Variants in LDAH observed in about 807,000 individuals in gnomAD.
LDAH encodes the protein lipid droplet-associated hydrolase.
Under a neutral mutation model 29.6 loss-of-function variants are expected in LDAH, and 26 were observed. That is an observed-to-expected ratio of 0.88 (90% CI 0.64 to 1.22). The LOEUF (loss-of-function observed/expected upper bound fraction) is 1.22, where lower values mean the gene tolerates loss of function less well. Ranked by LOEUF, LDAH falls within the 50% of genes most tolerant of loss-of-function variation. The pLI is 0.00. For synonymous variants in LDAH, 117 were observed against 133.0 expected (o/e 0.88, Z 0.83); for missense variants, 344 against 387.3 (o/e 0.89, Z 0.94).
chr2:20,687,680 G>A (rs1412088726), intron 6 of LDAH, among the ~76,000 whole-genome samples: 2 of 152,174 alleles, frequency 1.3e-5, no homozygotes, highest in African/African-American at 2.4e-5. Context: ...TACTTCAATT[G>A]ACAGCAAGCA....
intron 4 of LDAH, among the ~76,000 whole-genome samples, chr2:20,747,553 T>G (rs1667659878): frequency 6.6e-6 from 1 of 152,172 alleles, no homozygotes; most frequent in Non-Finnish European, 1.5e-5. Context: ...TTATCTCCTC[T>G]TCCCATAAGG....
chr2:20,759,992 C>T (rs1445209660), intron 4 of LDAH, among the ~76,000 whole-genome samples: 2 of 152,200 alleles, frequency 1.3e-5, no homozygotes, highest in Admixed American at 6.5e-5. Flanking sequence ...CTGCTTCAAC[C>T]TAGAGTAGGA....
chr2:20,719,403 T>G (rs972584423), intron 5 of LDAH, among the ~76,000 whole-genome samples: 4 of 150,146 alleles, frequency 2.7e-5, no homozygotes, highest in Non-Finnish European at 5.9e-5. Flanking sequence ...ATGGATAAAT[T>G]CCTGGAAAAA....
chr2:20,709,487 TA>T (rs74408337), intron 5 of LDAH, among the ~76,000 whole-genome samples: 36,754 of 151,904 alleles, frequency 0.24, 4,943 homozygotes, highest in East Asian at 0.36. Flanking sequence ...ATGGCTATAA[TA>T]AAAAAAGACA....
rs549545125 is a variant in LDAH at position 20,707,056 on chromosome 2, T to C, written c.704-5404A>G. ...TTCCACGGTGAACATTTCTTTCATATTGAGCAAACAACCAATCCAAAGGCC... is the reference window on the plus strand; with the variant it reads ...TTCCACGGTGAACATTTCTTTCATACTGAGCAAACAACCAATCCAAAGGCC... On this transcript the variant is annotated intron_variant, in intron 5 of 6. Coordinates refer to ENST00000237822, the MANE Select transcript of LDAH (RefSeq NM_021925.4). 2.6e-5 allele frequency among the ~76,000 whole-genome samples: 4 copies of C among 152,280 alleles called. No individual in the cohort carries two copies. The South Asian group carries it at 6.2e-4, about 24-fold the overall frequency.
At chr2:20,817,748 C>A (rs1672952173) in intron 1 of LDAH, among the ~76,000 whole-genome samples, 1 of 152,046 alleles carries the variant, frequency 6.6e-6, no homozygotes. Flanking sequence ...AATAGTGTAA[C>A]CCAAATGTTC....
intron 6 of LDAH, among the ~76,000 whole-genome samples, chr2:20,697,769 T>C (rs909421059): frequency 2.6e-5 from 4 of 152,216 alleles, no homozygotes; most frequent in South Asian, 2.1e-4. Flanking sequence ...AGGGGTTATG[T>C]AAACTTTGGA....
chr2:20,740,195 GC>G lies in LDAH; in HGVS notation c.478del (p.Ala160ProfsTer39). On this transcript the variant is annotated frameshift_variant, in exon 5 of 7. Coordinates refer to ENST00000237822, the MANE Select transcript of LDAH (RefSeq NM_021925.4). LOFTEE classifies it high-confidence loss of function. ...TTCAATTGTTGGAAAGAGCAGAAAGGCACGAATTACCTGCAATAAAGAAGCA... is the reference window on the plus strand; with the variant it reads ...TTCAATTGTTGGAAAGAGCAGAAAGGACGAATTACCTGCAATAAAGAAGCA... ...KRVPELPVIR[A>X]FLLFPTIERM... The G allele has an allele frequency of 6.2e-7, 1 of 1,612,364 alleles. No individual in the cohort carries two copies. The highest frequency in any genetic ancestry group is 8.5e-7 in the Non-Finnish European group (1 of 1,178,448).
chr2:20,810,855 G>A (rs1672430271), intron 1 of LDAH, among the ~76,000 whole-genome samples: 1 of 152,116 alleles, frequency 6.6e-6, no homozygotes. Context: ...TGTGAACTGT[G>A]CATGCGAAGG....
chr2:20,754,151 A>G (rs1668147842), intron 4 of LDAH, among the ~76,000 whole-genome samples: 1 of 152,038 alleles, frequency 6.6e-6, no homozygotes, highest in Non-Finnish European at 1.5e-5. Context: ...GACATGAAAA[A>G]AAAGTGCCTC....
chr2:20,748,813 C>T (rs1021475343), intron 4 of LDAH, among the ~76,000 whole-genome samples: 2 of 152,152 alleles, frequency 1.3e-5, no homozygotes, highest in Non-Finnish European at 2.9e-5. Flanking sequence ...GGTAAAGCTA[C>T]ACAGAATGTG....
At chr2:20,736,697 T>A (rs918938995) in intron 5 of LDAH, among the ~76,000 whole-genome samples, 2 of 152,114 alleles carry the variant, frequency 1.3e-5, no homozygotes, top group Non-Finnish European at 2.9e-5. Context: ...CTCTGTACCA[T>A]GAAGGATGAT....
At chr2:20,811,910 T>C (rs116468994) in intron 1 of LDAH, among the ~76,000 whole-genome samples, 3,090 of 152,220 alleles carry the variant, frequency 0.02, 104 homozygotes, top group African/African-American at 0.069. Context: ...ATTTTGATAA[T>C]AATCAATCAA....
intron 5 of LDAH, among the ~76,000 whole-genome samples, chr2:20,704,677 G>GATC (rs1283637609): frequency 2.0e-5 from 3 of 152,186 alleles, no homozygotes; most frequent in Non-Finnish European, 4.4e-5. Flanking sequence ...AATCCCAGGT[G>GATC]ATCTGCCTGT....
intron 3 of LDAH, among the ~76,000 whole-genome samples, chr2:20,775,436 G>C (rs1669744759): frequency 6.6e-6 from 1 of 152,118 alleles, no homozygotes; most frequent in South Asian, 2.1e-4. Flanking sequence ...GTCTAGGCTG[G>C]GGCCTGAGAA....
At chr2:20,719,877 G>C (rs1200819744) in intron 5 of LDAH, among the ~76,000 whole-genome samples, 2 of 151,998 alleles carry the variant, frequency 1.3e-5, no homozygotes, top group East Asian at 3.9e-4. Flanking sequence ...CCATATGATT[G>C]TTTCAATACA....
intron 4 of LDAH, among the ~76,000 whole-genome samples, chr2:20,772,495 A>G (rs1317558097): frequency 1.3e-5 from 2 of 152,184 alleles, no homozygotes; most frequent in Non-Finnish European, 2.9e-5. Context: ...CACAACACAC[A>G]AGTGAAATCC....
chr2:20,708,252 TGGGGACTGGTA>T (rs1664452826), intron 5 of LDAH, among the ~76,000 whole-genome samples: 1 of 152,156 alleles, frequency 6.6e-6, no homozygotes, highest in Non-Finnish European at 1.5e-5. Context: ...CCAAAAAGGT[TGGGGACTGGTA>T]ACTAGAGAAC....
At chr2:20,821,420 G>T (rs1673285197) in intron 1 of LDAH, among the ~76,000 whole-genome samples, 1 of 152,156 alleles carries the variant, frequency 6.6e-6, no homozygotes, top group Non-Finnish European at 1.5e-5. Flanking sequence ...TATACACCAT[G>T]GGATACTATG....
Sources: gnomAD v4.1 joint callset for allele counts (sites outside exome capture counted in the v4.1 genomes callset) on GRCh38, gnomAD v4.1.1 for gene constraint, MANE v1.5 for transcripts, NCBI Gene and HGNC (gene_info 2026-07-23, HGNC 2026-07-21) for gene names.